Variants in RHOBTB1 observed in about 807,000 individuals in gnomAD.
RHOBTB1 encodes rho-related BTB domain-containing protein 1.
In RHOBTB1, 40 loss-of-function variants were observed where a neutral mutation model predicts 71.6. The ratio of observed to expected loss-of-function variants is 0.56; its 90% CI spans 0.43 to 0.73. The LOEUF is 0.73. Ranked by LOEUF, RHOBTB1 falls within the 30% of genes least tolerant of loss-of-function variation. The pLI, the probability that RHOBTB1 is intolerant of heterozygous loss-of-function variation, is 0.00. For missense variants in RHOBTB1, 797 were observed against 894.0 expected (o/e 0.89, Z 1.38); for synonymous variants, 319 against 334.9 (o/e 0.95, Z 0.52).
chr10:60,903,974 T>C (rs1357715819), intron 4 of RHOBTB1, among the ~76,000 whole-genome samples: 1 of 152,174 alleles, frequency 6.6e-6, no homozygotes, highest in Non-Finnish European at 1.5e-5. Context: ...TCTTTTCTTT[T>C]TTTTTTGAGA....
chr10:60,895,307 G>GA (rs202217165), intron 4 of RHOBTB1, among the ~76,000 whole-genome samples: 1,526 of 152,208 alleles, frequency 0.01, 11 homozygotes, highest in Middle Eastern at 0.02. Context: ...CTGTATATCA[G>GA]AAAAAAGGTC....
chr10:60,942,098 A>T (rs1177610126), intron 1 of RHOBTB1, among the ~76,000 whole-genome samples: 1 of 152,166 alleles, frequency 6.6e-6, no homozygotes, highest in East Asian at 1.9e-4. Context: ...GGACGATACC[A>T]AAAAAACAAA....
At chr10:60,909,211 C>G (rs187334821) in intron 4 of RHOBTB1, among the ~76,000 whole-genome samples, 1 of 152,334 alleles carries the variant, frequency 6.6e-6, no homozygotes, top group East Asian at 1.9e-4. Context: ...AGGAATCTCA[C>G]AAGATAATGA....
intron 5 of RHOBTB1, among the ~76,000 whole-genome samples, chr10:60,891,600 G>T (rs1378671925): frequency 6.6e-6 from 1 of 151,804 alleles, no homozygotes; most frequent in Non-Finnish European, 1.5e-5. Flanking sequence ...CTCCCACCTT[G>T]GCCTCCTGAA....
chr10:60,933,291 G>A (rs997813392), intron 2 of RHOBTB1, among the ~76,000 whole-genome samples: 2 of 152,178 alleles, frequency 1.3e-5, no homozygotes, highest in Non-Finnish European at 2.9e-5. Flanking sequence ...ACTGTTTGTG[G>A]AAGTGGAAAA....
chr10:60,999,185 G>C (rs2135058311), intron 1 of RHOBTB1, among the ~76,000 whole-genome samples: 1 of 152,306 alleles, frequency 6.6e-6, no homozygotes, highest in South Asian at 2.1e-4. Context: ...TGGCGGCAGA[G>C]GGAAGGTTGT....
chr10:60,865,064 CA>C (rs1203669020), downstream of RHOBTB1, among the ~76,000 whole-genome samples: 4 of 152,094 alleles, frequency 2.6e-5, no homozygotes, highest in Non-Finnish European at 4.4e-5. Context: ...CAAAGGGGTC[CA>C]AACCTGGTAA....
In RHOBTB1 at chr10:60,955,377, C is replaced by A. The variant is rs372051144; in HGVS notation, c.-61-13523G>T. Among the ~76,000 whole-genome samples the A allele has an allele frequency of 2.6e-5, 4 of 152,070 alleles. No individual in the cohort carries two copies. The East Asian group carries it at 7.7e-4, about 29-fold the overall frequency. On this transcript the variant is annotated intron_variant, in intron 2 of 11. Transcript: ENST00000357917. ...CCTTCTTTATGGTTTTAAAATGCCACAATTCAATTCATGTGTTAACTGAAC... is the reference window on the plus strand; with the variant it reads ...CCTTCTTTATGGTTTTAAAATGCCAAAATTCAATTCATGTGTTAACTGAAC...
chr10:60,880,763 TATGA>T (rs907913703), intron 7 of RHOBTB1, among the ~76,000 whole-genome samples: 2 of 152,198 alleles, frequency 1.3e-5, no homozygotes, highest in Admixed American at 1.3e-4. Flanking sequence ...TGTATGTACA[TATGA>T]ATAATTAATT....
chr10:60,927,342 C>A (rs1311821772), intron 2 of RHOBTB1, among the ~76,000 whole-genome samples: 1 of 152,198 alleles, frequency 6.6e-6, no homozygotes, highest in Non-Finnish European at 1.5e-5. Flanking sequence ...CTTACAGACA[C>A]ACCCAGGATC....
At chr10:60,893,302 C>A (rs574693296) in intron 4 of RHOBTB1, among the ~76,000 whole-genome samples, 120 of 152,248 alleles carry the variant, frequency 7.9e-4, no homozygotes, top group African/African-American at 2.7e-3. Context: ...CCTGGAACCA[C>A]AACATGCTGA....
Position 61,000,305 on chromosome 10 carries a change from G to A in RHOBTB1, c.-163+1094C>T, listed in dbSNP as rs948838715. Among the ~76,000 whole-genome samples, 325 of 152,136 alleles carry A rather than the reference G, an allele frequency of 2.1e-3. 5 individuals carry two copies. Among genetic ancestry groups the A allele is most frequent in the Non-Finnish European group, 1.2e-3 (85 of 68,006 alleles). On this transcript the variant is annotated intron_variant, in intron 1 of 11. Transcript: ENST00000357917. Reference sequence around the variant, plus strand: ...CTACTTCTTCTCACCAGAGACTAAGGCTAGCGGCCCAAGAAGCAGAGTTGC... The same window carrying A: ...CTACTTCTTCTCACCAGAGACTAAGACTAGCGGCCCAAGAAGCAGAGTTGC...
intron 1 of RHOBTB1, 119 bp from the exon 2 acceptor site, chr10:60,941,973 G>C (rs1433650861): frequency 6.6e-6 from 1 of 151,804 alleles, no homozygotes; most frequent in Non-Finnish European, 1.5e-5. Context: ...GGAAGAATCT[G>C]CTTTACTTTT....
intron 2 of RHOBTB1, among the ~76,000 whole-genome samples, chr10:60,919,188 T>C (rs2083425425): frequency 6.6e-6 from 1 of 152,216 alleles, no homozygotes; most frequent in African/African-American, 2.4e-5. Context: ...GGACACTACA[T>C]TTTCTTATTC....
At chr10:60,895,318 T>G (rs960388041) in intron 4 of RHOBTB1, among the ~76,000 whole-genome samples, 4 of 152,230 alleles carry the variant, frequency 2.6e-5, no homozygotes, top group Admixed American at 2.6e-4. Flanking sequence ...AAAAAAGGTC[T>G]TCTTTTTTTT....
At chr10:60,894,882 A>G (rs2082088911) in intron 4 of RHOBTB1, among the ~76,000 whole-genome samples, 1 of 152,254 alleles carries the variant, frequency 6.6e-6, no homozygotes, top group Admixed American at 6.5e-5. Context: ...TATGACAGAC[A>G]TGTAGCTAAA....
chr10:60,941,613 T>G (rs1171810689), intron 2 of RHOBTB1, among the ~76,000 whole-genome samples, 191 bp downstream of exon 2: 1 of 152,174 alleles, frequency 6.6e-6, no homozygotes, highest in Non-Finnish European at 1.5e-5. Flanking sequence ...ATTTGTACCA[T>G]TGTACTCCCA....
intron 4 of RHOBTB1, among the ~76,000 whole-genome samples, chr10:60,908,054 G>T (rs1161131189): frequency 1.3e-5 from 2 of 152,234 alleles, no homozygotes; most frequent in Non-Finnish European, 2.9e-5. Flanking sequence ...ATTGGCAAAA[G>T]AATGGGTAGA....
intron 6 of RHOBTB1, 147 bp downstream of exon 6, chr10:60,888,065 T>C (rs1480612598): frequency 2.2e-6 from 2 of 911,024 alleles, no homozygotes; most frequent in African/African-American, 1.7e-5. Context: ...TTAAAGAAGT[T>C]AATGCCTGTA....
Sources: allele counts gnomAD v4.1 joint callset (sites outside exome capture counted in the v4.1 genomes callset), GRCh38; gene constraint gnomAD v4.1.1; transcripts MANE v1.5; gene names NCBI Gene and HGNC (gene_info 2026-07-23, HGNC 2026-07-21).